PCDHGA3: variants seen among roughly 807,000 people sequenced by gnomAD.
PCDHGA3 encodes the protein protocadherin gamma subfamily A, 3.
PCDHGA3 carries 40 observed loss-of-function variants against 58.5 expected under a neutral mutation model. The ratio of observed to expected loss-of-function variants is 0.68; its 90% CI spans 0.53 to 0.89. The LOEUF is 0.89. Ranked by LOEUF, PCDHGA3 falls within the 40% of genes least tolerant of loss-of-function variation. The pLI, the probability that PCDHGA3 is intolerant of heterozygous loss-of-function variation, is 0.00. For synonymous variants in PCDHGA3, 530 were observed against 525.7 expected, an observed-to-expected ratio of 1.01 and a Z score of -0.11; for missense variants, 1,223 against 1,195.9, an observed-to-expected ratio of 1.02 and a Z score of -0.33.
At chr5:141,460,122 G>A (rs530307574) in intron 1 of PCDHGA3, among the ~76,000 whole-genome samples, 2 of 151,928 alleles carry the variant, frequency 1.3e-5, no homozygotes, top group African/African-American at 4.8e-5. Flanking sequence ...TTTTATATAT[G>A]TAATATATAT....
At chr5:141,496,412 T>C (rs1322376676) in intron 2 of PCDHGA3, among the ~76,000 whole-genome samples, 1 of 152,180 alleles carries the variant, frequency 6.6e-6, no homozygotes, top group African/African-American at 2.4e-5. Context: ...GGTTGAGTAC[T>C]TGCTGTCCAC....
At chr5:141,481,180 T>C (rs1354907506) in intron 1 of PCDHGA3, among the ~76,000 whole-genome samples, 1 of 152,236 alleles carries the variant, frequency 6.6e-6, no homozygotes, top group Admixed American at 6.5e-5. Flanking sequence ...CCAGCTTTAT[T>C]GGGCCAGGCC....
intron 1 of PCDHGA3, chr5:141,414,287 C>G: frequency 6.2e-7 from 1 of 1,613,434 alleles, no homozygotes; most frequent in Non-Finnish European, 8.5e-7. Flanking sequence ...ACAGTCGTAG[C>G]CCTTTTAAAT....
intron 1 of PCDHGA3, chr5:141,393,206 A>T: frequency 6.2e-7 from 1 of 1,613,588 alleles, no homozygotes; most frequent in East Asian, 2.2e-5. Context: ...ATAATAACCC[A>T]AAATTCCAGG....
chr5:141,470,828 C>A (rs1328067769), intron 1 of PCDHGA3, among the ~76,000 whole-genome samples: 1 of 151,994 alleles, frequency 6.6e-6, no homozygotes, highest in Non-Finnish European at 1.5e-5. Flanking sequence ...GTTAGGACGA[C>A]AAACACACGC....
In PCDHGA3 at chr5:141,489,661, C is replaced by T. The variant is rs756803543; in HGVS notation, c.2425-5146C>T. 36 of 1,614,146 alleles carry T rather than the reference C, an allele frequency of 2.2e-5. 1 individual carries two copies. Among genetic ancestry groups the T allele is most frequent in the South Asian group, 5.5e-5 (5 of 91,090 alleles). ...CTTTGCCACCCCTGAGCGAGAGATG[C>T]GCATCTCAGAATCAGCAGCATCTGG... On this transcript the variant is annotated intron_variant, in intron 1 of 3. Coordinates refer to ENST00000253812, the MANE Select transcript of PCDHGA3 (RefSeq NM_018916.4). The surrounding 1 kb of genome is among the most constrained non-coding windows in gnomAD (Gnocchi z 4.5).
chr5:141,351,985 A>C (rs1466347143), intron 1 of PCDHGA3: 3 of 1,611,418 alleles, frequency 1.9e-6, no homozygotes, highest in Non-Finnish European at 2.5e-6. Flanking sequence ...ATATGGTGCC[A>C]CGCGCCGCAG....
intron 1 of PCDHGA3, chr5:141,394,908 G>A (rs763489153): frequency 3.1e-6 from 5 of 1,613,652 alleles, no homozygotes; most frequent in East Asian, 2.2e-5. Flanking sequence ...GGCAGTGGCT[G>A]CCATCTCCTG....
chr5:141,404,759 T>C, intron 1 of PCDHGA3: 2 of 1,613,632 alleles, frequency 1.2e-6, no homozygotes, highest in Non-Finnish European at 1.7e-6. Flanking sequence ...CCAGAATGCT[T>C]GGCTCTCCTA....
intron 1 of PCDHGA3, among the ~76,000 whole-genome samples, chr5:141,473,246 A>G (rs1045740920): frequency 7.2e-5 from 11 of 152,224 alleles, no homozygotes; most frequent in Admixed American, 4.6e-4. Context: ...AAGTGAATAC[A>G]TATATAGTCC....
chr5:141,405,192 G>A (rs2154536235), intron 1 of PCDHGA3: 5 of 1,613,938 alleles, frequency 3.1e-6, no homozygotes, highest in East Asian at 2.2e-5. Context: ...GATGGGGTTC[G>A]AGCTTTCCTA....
chr5:141,378,217 G>A (rs977724774), intron 1 of PCDHGA3: 2 of 152,186 alleles, frequency 1.3e-5, no homozygotes, highest in African/African-American at 4.8e-5. Context: ...CATACTGTGT[G>A]CCTGATAGTA....
intron 1 of PCDHGA3, chr5:141,421,220 A>T (rs1178268746): frequency 6.3e-7 from 1 of 1,575,620 alleles, no homozygotes; most frequent in East Asian, 2.3e-5. Context: ...ATCGGCTTAG[A>T]GCCTGCCATG....
chr5:141,361,091 T>C (rs1409498105), intron 1 of PCDHGA3: 3 of 1,613,898 alleles, frequency 1.9e-6, no homozygotes, highest in Non-Finnish European at 2.5e-6. Flanking sequence ...ACTCTGAGTA[T>C]CGAAGCAAAA....
intron 1 of PCDHGA3, among the ~76,000 whole-genome samples, chr5:141,475,629 C>T (rs77593456): frequency 0.054 from 8,157 of 152,234 alleles, 446 homozygotes; most frequent in African/African-American, 0.15. Flanking sequence ...TGGTTCGATC[C>T]CCTTTCTTGT....
chr5:141,433,643 C>A (rs899772934), intron 1 of PCDHGA3, among the ~76,000 whole-genome samples: 13 of 152,070 alleles, frequency 8.5e-5, no homozygotes, highest in African/African-American at 2.7e-4. Context: ...TGAGACCAGC[C>A]TGACCAACAT....
rs1235728365 is a variant in PCDHGA3 at position 141,485,502 on chromosome 5, C to T, written c.2425-9305C>T. ...TGCATCGTGCCCCTGGAGTTTGTCACCGAAGGTCCTTTGGAAATGTACCGA... is the reference window on the plus strand; with the variant it reads ...TGCATCGTGCCCCTGGAGTTTGTCATCGAAGGTCCTTTGGAAATGTACCGA... On this transcript the variant is annotated intron_variant, in intron 1 of 3. Transcript: ENST00000253812. This position sits in a 1 kb window ranked among gnomAD's most constrained non-coding sequence, Gnocchi z 5.7. 2 of 1,614,114 alleles carry T rather than the reference C, an allele frequency of 1.2e-6. No homozygotes were observed. Among genetic ancestry groups the T allele is most frequent in the Non-Finnish European group, 8.5e-7 (1 of 1,180,044 alleles).
At chr5:141,364,793 C>G in intron 1 of PCDHGA3, 2 of 1,614,028 alleles carry the variant, frequency 1.2e-6, no homozygotes, top group Non-Finnish European at 1.7e-6. Flanking sequence ...GTTAGTGCTT[C>G]CCTTCGCGCG....
At chr5:141,471,422 A>T (rs919676109) in intron 1 of PCDHGA3, 5 of 152,176 alleles carry the variant, frequency 3.3e-5, no homozygotes, top group Non-Finnish European at 5.9e-5. Context: ...GTTTTTAGCA[A>T]GGAAAGTGTA....
Sources: gnomAD v4.1 joint callset for allele counts (sites outside exome capture counted in the v4.1 genomes callset) on GRCh38, gnomAD v4.1.1 for gene constraint, Gnocchi (gnomAD v3.1) non-coding constraint, MANE v1.5 for transcripts, NCBI Gene and HGNC (gene_info 2026-07-23, HGNC 2026-07-21) for gene names.